The following ASTN2 variants were observed in gnomAD, a reference collection of about 807,000 sequenced individuals.
ASTN2 encodes the protein astrotactin-2.
A neutral mutation model predicts 139.8 loss-of-function variants in ASTN2; 54 were observed. The ratio of observed to expected loss-of-function variants is 0.39; its 90% confidence interval spans 0.31 to 0.48. The LOEUF is 0.48. Ranked by LOEUF, ASTN2 falls within the 20% of genes least tolerant of loss-of-function variation. The pLI is 0.95. For missense variants in ASTN2, 1,565 were observed against 1,725.1 expected (o/e 0.91, Z 1.64); for synonymous variants, 756 against 719.5 (o/e 1.05, Z -0.81).
chr9:117,314,052 G>A (rs1429976024), intron 1 of ASTN2, among the ~76,000 whole-genome samples: 1 of 152,158 alleles, frequency 6.6e-6, no homozygotes, highest in Admixed American at 6.6e-5. Flanking sequence ...GCTTTTAACA[G>A]ATTTCTAATG....
intron 1 of ASTN2, among the ~76,000 whole-genome samples, chr9:117,367,043 G>T (rs1330015576): frequency 6.6e-6 from 1 of 152,084 alleles, no homozygotes; most frequent in East Asian, 1.9e-4. Flanking sequence ...AAAGTTCTGG[G>T]ATTACAAGTG....
At chr9:116,700,053 T>A (rs534626362) in intron 16 of ASTN2, 1 of 340,282 alleles carries the variant, frequency 2.9e-6, no homozygotes, top group African/African-American at 2.1e-5. Flanking sequence ...CTTGATTTTT[T>A]CCCATTTGGC....
In ASTN2 at chr9:116,697,980, C is replaced by T. The variant is rs760820148; in HGVS notation, c.2806+27791G>A. Reference sequence around the variant, plus strand: ...CAGCTTGACCCAGCTGACAGACAATCTGACAGTGCTAAAGATCATTGATAC... The same window carrying T: ...CAGCTTGACCCAGCTGACAGACAATTTGACAGTGCTAAAGATCATTGATAC... On this transcript the variant is annotated intron_variant, in intron 16 of 22. Transcript: ENST00000313400. 1.4e-5 allele frequency: 22 copies of T among 1,614,130 alleles called. No individual in the cohort carries two copies. The highest frequency in any genetic ancestry group is 2.7e-5 in the African/African-American group (2 of 74,950).
intron 10 of ASTN2, among the ~76,000 whole-genome samples, chr9:116,974,251 C>T (rs969851747): frequency 2.6e-5 from 4 of 152,132 alleles, no homozygotes; most frequent in African/African-American, 4.8e-5. Flanking sequence ...AGATCTAAGA[C>T]CACAGACTTA....
chr9:116,749,213 T>C (rs10739472), intron 13 of ASTN2, among the ~76,000 whole-genome samples: 85,606 of 152,072 alleles, frequency 0.56, 25,049 homozygotes, highest in South Asian at 0.78. Context: ...TCTCAATAAA[T>C]GGCAGCTATT....
At chr9:116,455,660 A>G (rs77669166) in intron 20 of ASTN2, among the ~76,000 whole-genome samples, 4 of 152,042 alleles carry the variant, frequency 2.6e-5, no homozygotes, top group Non-Finnish European at 5.9e-5. Flanking sequence ...AAATTCCCTG[A>G]AAGTACTACT....
At chr9:116,993,735 T>A (rs959440316) in intron 7 of ASTN2, among the ~76,000 whole-genome samples, 1 of 147,772 alleles carries the variant, frequency 6.8e-6, no homozygotes, top group Admixed American at 6.8e-5. Flanking sequence ...CATTATATAT[T>A]TCTACATATT....
intron 13 of ASTN2, among the ~76,000 whole-genome samples, chr9:116,753,028 T>C (rs905769545): frequency 1.3e-5 from 2 of 152,220 alleles, no homozygotes; most frequent in African/African-American, 4.8e-5. Flanking sequence ...TTTACCCAAA[T>C]GAGTGTAAAA....
chr9:117,393,705 C>G (rs1830603650), intron 1 of ASTN2, among the ~76,000 whole-genome samples: 1 of 152,166 alleles, frequency 6.6e-6, no homozygotes, highest in South Asian at 2.1e-4. Context: ...CTCGCAGGGA[C>G]TGAGAGCTCC....
chr9:116,483,321 G>T (rs778393628), intron 20 of ASTN2, among the ~76,000 whole-genome samples: 12 of 152,208 alleles, frequency 7.9e-5, no homozygotes, highest in Non-Finnish European at 1.5e-4. Flanking sequence ...TTACACCAGG[G>T]TGAGCTTAGG....
chr9:117,276,119 A>C (rs1333164165), intron 2 of ASTN2, among the ~76,000 whole-genome samples: 2 of 152,210 alleles, frequency 1.3e-5, no homozygotes, highest in Non-Finnish European at 2.9e-5. Flanking sequence ...AGCTTCAAGA[A>C]CAGCTACAAT....
At chr9:117,337,686 G>A (rs1016089376) in intron 1 of ASTN2, among the ~76,000 whole-genome samples, 16 of 152,278 alleles carry the variant, frequency 1.1e-4, no homozygotes, top group Admixed American at 1.0e-3. Flanking sequence ...ATTAGGTAAT[G>A]AGGTATCATG....
intron 1 of ASTN2, among the ~76,000 whole-genome samples, chr9:117,395,002 G>A (rs1427966932): frequency 1.3e-5 from 2 of 152,134 alleles, no homozygotes; most frequent in Non-Finnish European, 2.9e-5. Flanking sequence ...AGAGCATGGG[G>A]GAAATGAGGA....
intron 19 of ASTN2, among the ~76,000 whole-genome samples, chr9:116,600,895 C>T (rs114457131): frequency 2.5e-3 from 387 of 152,162 alleles, no homozygotes; most frequent in African/African-American, 9.1e-3. Context: ...TGCCTGTTCA[C>T]ACTTCAGGTA....
At chr9:116,863,817 G>A in intron 10 of ASTN2, 84 bp from the exon 11 acceptor site, 1 of 1,354,630 alleles carries the variant, frequency 7.4e-7, no homozygotes, top group Non-Finnish European at 1.0e-6. Context: ...CATTACATTT[G>A]AAACCATAAC....
Position 116,685,923 on chromosome 9 carries a change from G to C in ASTN2, c.2807-34130C>G, listed in dbSNP as rs1009440893. On this transcript the variant is annotated intron_variant, in intron 16 of 22. Transcript: ENST00000313400. The stretch of plus-strand genomic sequence containing the variant: ...ATGTATATATGTAAGACTATGAACA[G>C]TCCTAAATTTATACTTTGGGCTGAT... Among the ~76,000 whole-genome samples the C allele has an allele frequency of 2.6e-5, 4 of 151,430 alleles. No homozygotes were observed. In the South Asian group the frequency reaches 8.3e-4, roughly 32 times the overall value.
At chr9:117,300,700 T>C (rs1245776917) in intron 1 of ASTN2, among the ~76,000 whole-genome samples, 1 of 152,126 alleles carries the variant, frequency 6.6e-6, no homozygotes, top group African/African-American at 2.4e-5. Context: ...ATAATGCCAA[T>C]GGTATGCTAG....
intron 2 of ASTN2, among the ~76,000 whole-genome samples, chr9:117,249,918 G>A (rs1011136046): frequency 3.9e-5 from 6 of 151,950 alleles, no homozygotes; most frequent in African/African-American, 9.7e-5. Flanking sequence ...AAATGTCACC[G>A]CCTACTCATC....
intron 11 of ASTN2, among the ~76,000 whole-genome samples, chr9:116,827,355 AC>A (rs1431803109): frequency 2.4e-4 from 36 of 150,892 alleles, no homozygotes; most frequent in African/African-American, 8.7e-4. Context: ...ACAAGAACAA[AC>A]CACACCCAAA....
Sources: allele counts gnomAD v4.1 joint callset (sites outside exome capture counted in the v4.1 genomes callset), GRCh38; gene constraint gnomAD v4.1.1; transcripts MANE v1.5; gene names NCBI Gene and HGNC (gene_info 2026-07-23, HGNC 2026-07-21).